The following TPST1 variants were observed in gnomAD, a reference collection of about 807,000 sequenced individuals.
The protein encoded by TPST1 is tyrosylprotein sulfotransferase 1.
A neutral mutation model predicts 34.8 loss-of-function variants in TPST1; 20 were observed. The ratio of observed to expected loss-of-function variants is 0.57; its 90% CI spans 0.40 to 0.84. TPST1 has a LOEUF of 0.84. Among genes scored for constraint, TPST1 ranks in the 40% least tolerant of loss-of-function variants. The pLI is 0.00. For synonymous variants in TPST1, 152 were observed against 159.4 expected (o/e 0.95, Z 0.35); for missense variants, 353 against 455.5 (o/e 0.78, Z 2.05).
intron 3 of TPST1, among the ~76,000 whole-genome samples, chr7:66,314,609 T>C (rs2116148154): frequency 6.6e-6 from 1 of 152,322 alleles, no homozygotes; most frequent in East Asian, 1.9e-4. Context: ...TGGGAATACA[T>C]TGTGAAAAAT....
At chr7:66,284,523 C>T (rs1003671102) in intron 2 of TPST1, among the ~76,000 whole-genome samples, 11 of 151,322 alleles carry the variant, frequency 7.3e-5, no homozygotes, top group Non-Finnish European at 1.2e-4. Context: ...TTCTTCACCC[C>T]GCCTTATCTA....
chr7:66,234,622 T>C (rs1789872904), intron 1 of TPST1, among the ~76,000 whole-genome samples: 2 of 152,342 alleles, frequency 1.3e-5, no homozygotes, highest in Admixed American at 6.5e-5. Context: ...TATGGATGTA[T>C]AGATCCTTAC....
At chr7:66,249,846 CA>C (rs1396791458) in intron 2 of TPST1, among the ~76,000 whole-genome samples, 1 of 152,202 alleles carries the variant, frequency 6.6e-6, no homozygotes, top group African/African-American at 2.4e-5. Context: ...TTCATCTGAC[CA>C]ACTCATGGTT....
At chr7:66,282,173 A>AG (rs1790945147) in intron 2 of TPST1, among the ~76,000 whole-genome samples, 1 of 152,250 alleles carries the variant, frequency 6.6e-6, no homozygotes, top group East Asian at 1.9e-4. Flanking sequence ...CTGAAGGAAT[A>AG]GGGGAGATTT....
intron 2 of TPST1, among the ~76,000 whole-genome samples, chr7:66,256,343 T>G (rs1257382531): frequency 1.3e-5 from 2 of 152,204 alleles, no homozygotes; most frequent in African/African-American, 4.8e-5. Context: ...TACCCCAGAA[T>G]TTAGTGGCTG....
At chr7:66,327,292 G>A (rs1210900453) in intron 3 of TPST1, among the ~76,000 whole-genome samples, 2 of 152,134 alleles carry the variant, frequency 1.3e-5, no homozygotes, top group African/African-American at 4.8e-5. Context: ...GACTATAATT[G>A]GAAGGAAGGA....
intron 3 of TPST1, among the ~76,000 whole-genome samples, chr7:66,301,303 C>T (rs1361145258): frequency 2.0e-5 from 3 of 152,182 alleles, no homozygotes; most frequent in Admixed American, 6.5e-5. Context: ...TAGGCTTTGG[C>T]TTAAGGGAAT....
chr7:66,320,976 A>G (rs988304071), intron 3 of TPST1, among the ~76,000 whole-genome samples: 3 of 152,236 alleles, frequency 2.0e-5, no homozygotes, highest in Non-Finnish European at 4.4e-5. Flanking sequence ...TAATGTTGAT[A>G]CACAGTATCT....
intron 1 of TPST1, among the ~76,000 whole-genome samples, chr7:66,239,230 C>G (rs761103690): frequency 6.6e-6 from 1 of 152,194 alleles, no homozygotes; most frequent in Non-Finnish European, 1.5e-5. Context: ...ATCCTCCCAT[C>G]TCGGTCTCCC....
At chr7:66,331,761 T>C (rs1791999396) in intron 3 of TPST1, among the ~76,000 whole-genome samples, 1 of 152,234 alleles carries the variant, frequency 6.6e-6, no homozygotes, top group Non-Finnish European at 1.5e-5. Context: ...TGTTACCTCT[T>C]AGTTATCAGT....
intron 2 of TPST1, among the ~76,000 whole-genome samples, chr7:66,243,941 A>ATTTTTTTTTTTTTTTTTTTTT (rs55829208): frequency 1.2e-4 from 14 of 116,232 alleles, no homozygotes; most frequent in Non-Finnish European, 1.2e-4. Context: ...ATTCTGGGAA[A>ATTTTTTTTTTTTTTTTTTTTT]TTTTTTTTTT....
chr7:66,301,582 A>G (rs1791318489), intron 3 of TPST1, among the ~76,000 whole-genome samples: 1 of 152,184 alleles, frequency 6.6e-6, no homozygotes, highest in Non-Finnish European at 1.5e-5. Flanking sequence ...TCATTTGGAC[A>G]CTTAGAGCCC....
chr7:66,220,225 A>G (rs1789513961), intron 1 of TPST1, among the ~76,000 whole-genome samples: 1 of 152,212 alleles, frequency 6.6e-6, no homozygotes, highest in Non-Finnish European at 1.5e-5. Context: ...TCAAGTGCTC[A>G]ATATGCTTGT....
chr7:66,243,376 AATCTTACCCAG>A (rs1217807404), intron 2 of TPST1, among the ~76,000 whole-genome samples: 2 of 152,056 alleles, frequency 1.3e-5, no homozygotes, highest in Non-Finnish European at 2.9e-5. Flanking sequence ...TTTGAAAGAA[AATCTTACCCAG>A]AATTCCAATA....
chr7:66,348,969 G>A (rs1450879806), intron 3 of TPST1, among the ~76,000 whole-genome samples: 2 of 151,904 alleles, frequency 1.3e-5, no homozygotes, highest in African/African-American at 2.4e-5. Context: ...TACCTATCTG[G>A]AACTGTCAGT....
intron 2 of TPST1, among the ~76,000 whole-genome samples, chr7:66,262,904 C>T (rs910549427): frequency 1.3e-5 from 2 of 152,080 alleles, no homozygotes; most frequent in African/African-American, 2.4e-5. Context: ...TCAAGACCAG[C>T]CTGGCCAACA....
Position 66,241,001 on chromosome 7 carries a change from A to C in TPST1, c.576A>C (p.Ser192=). The C allele has an allele frequency of 6.2e-7, 1 of 1,614,202 alleles. No individual in the cohort carries two copies. ...MVRDGRASVH[S]MISRKVTIAG... ...GAGATGGCCGGGCATCAGTACATTC[A>C]ATGATTTCTCGAAAAGTTACTATAG... Residue 192 remains serine (S), a synonymous_variant, in exon 2 of 6, where the codon TCA becomes TCC. Coordinates refer to ENST00000304842, the MANE Select transcript of TPST1 (RefSeq NM_003596.4).
At chr7:66,341,324 G>T (rs1044782211) in intron 3 of TPST1, among the ~76,000 whole-genome samples, 2 of 152,064 alleles carry the variant, frequency 1.3e-5, no homozygotes, top group African/African-American at 4.8e-5. Flanking sequence ...TGTTGCCCAG[G>T]CTGGAGTGCA....
At chr7:66,273,286 C>T (rs923727852) in intron 2 of TPST1, among the ~76,000 whole-genome samples, 3 of 152,106 alleles carry the variant, frequency 2.0e-5, no homozygotes, top group African/African-American at 7.2e-5. Context: ...AAACTGAACA[C>T]ACTAATAAAT....
Sources: allele counts gnomAD v4.1 joint callset (sites outside exome capture counted in the v4.1 genomes callset), GRCh38; gene constraint gnomAD v4.1.1; transcripts MANE v1.5; gene names NCBI Gene and HGNC (gene_info 2026-07-23, HGNC 2026-07-21).